The following FYB1 variants were observed in gnomAD, a reference collection of about 807,000 sequenced individuals.
The protein encoded by FYB1 is FYN-binding protein 1.
A neutral mutation model predicts 94.1 loss-of-function variants in FYB1; 41 were observed. That is an observed-to-expected ratio of 0.44 (90% CI 0.34 to 0.57). The LOEUF (loss-of-function observed/expected upper bound fraction) is 0.57, where lower values mean the gene tolerates loss of function less well. FYB1 is among the 20% of genes least tolerant of loss of function. The pLI is 0.02. For synonymous variants in FYB1, 367 were observed against 353.2 expected (o/e 1.04, Z -0.44); for missense variants, 1,050 against 976.8 (o/e 1.07, Z -1.00).
chr5:39,120,721 T>A lies in FYB1; in HGVS notation c.2139-1087A>T, dbSNP rs796789131. Among the ~76,000 whole-genome samples the A allele has an allele frequency of 7.2e-5, 11 of 152,272 alleles. No individual in the cohort carries two copies. In the East Asian group the frequency reaches 1.4e-3, roughly 19 times the overall value. On this transcript the variant is annotated intron_variant, in intron 14 of 18. Transcript: ENST00000512982. ...TAGAATATATTAATTTTTATTTAGA[T>A]GATCTAAGATAAAGTTTTGTTTGTA... is the stretch of plus-strand genomic sequence containing the variant.
intron 2 of FYB1, among the ~76,000 whole-genome samples, chr5:39,178,057 C>A (rs897663304): frequency 1.3e-5 from 2 of 152,212 alleles, no homozygotes; most frequent in African/African-American, 2.4e-5. Context: ...GCATTGACCT[C>A]ATGCAGCATT....
intron 1 of FYB1, among the ~76,000 whole-genome samples, chr5:39,240,593 G>C (rs1470257720): frequency 2.6e-5 from 4 of 152,158 alleles, no homozygotes. Context: ...CTAAGCATCA[G>C]AGAAATGAAA....
intron 1 of FYB1, among the ~76,000 whole-genome samples, chr5:39,239,859 C>T (rs1176980189): frequency 1.3e-5 from 2 of 152,166 alleles, no homozygotes; most frequent in Non-Finnish European, 2.9e-5. Context: ...CCAAAGCAAT[C>T]TTAAGCATAA....
chr5:39,159,591 C>T (rs1335397232), intron 2 of FYB1, among the ~76,000 whole-genome samples: 2 of 152,156 alleles, frequency 1.3e-5, no homozygotes, highest in African/African-American at 4.8e-5. Context: ...ATGACCTTAC[C>T]TCTTATTTTA....
chr5:39,213,436 T>C (rs995484427), intron 1 of FYB1, among the ~76,000 whole-genome samples: 1 of 152,220 alleles, frequency 6.6e-6, no homozygotes, highest in Non-Finnish European at 1.5e-5. Context: ...TGACCTCCTG[T>C]CCAAGAATCC....
At chr5:39,228,761 C>T (rs1217422843) in intron 1 of FYB1, among the ~76,000 whole-genome samples, 1 of 152,086 alleles carries the variant, frequency 6.6e-6, no homozygotes, top group African/African-American at 2.4e-5. Context: ...ATGAACTTCC[C>T]TTCCTTTTTA....
chr5:39,108,038 T>C (rs753471913), intron 18 of FYB1, among the ~76,000 whole-genome samples, 193 bp downstream of exon 18: 1 of 152,174 alleles, frequency 6.6e-6, no homozygotes, highest in East Asian at 1.9e-4. Flanking sequence ...AGGTTTTTCC[T>C]TAATTTTCCA....
chr5:39,207,807 A>G (rs893588446), intron 1 of FYB1, among the ~76,000 whole-genome samples: 3 of 152,004 alleles, frequency 2.0e-5, no homozygotes, highest in African/African-American at 7.3e-5. Context: ...CCCCCTGGGG[A>G]TGTTTATCAA....
intron 1 of FYB1, among the ~76,000 whole-genome samples, chr5:39,207,637 T>A (rs1370467001): frequency 6.6e-6 from 1 of 152,202 alleles, no homozygotes; most frequent in African/African-American, 2.4e-5. Flanking sequence ...CTACATAGTT[T>A]CATTTGGAAA....
intron 3 of FYB1, among the ~76,000 whole-genome samples, chr5:39,146,016 G>A (rs1207486307): frequency 6.6e-6 from 1 of 151,688 alleles, no homozygotes; most frequent in Non-Finnish European, 1.5e-5. Flanking sequence ...GGGTTCAAGG[G>A]ATTCTCCTGC....
chr5:39,268,796 C>T (rs533530872), intron 1 of FYB1, among the ~76,000 whole-genome samples: 1 of 152,208 alleles, frequency 6.6e-6, no homozygotes, highest in East Asian at 1.9e-4. Context: ...AACTCCTAAC[C>T]TCAGGTGATC....
chr5:39,167,679 C>T (rs1744863294), intron 2 of FYB1, among the ~76,000 whole-genome samples: 1 of 149,918 alleles, frequency 6.7e-6, no homozygotes, highest in Non-Finnish European at 1.5e-5. Flanking sequence ...TGTGTAACTG[C>T]AGGGCAGTGG....
At chr5:39,182,943 C>T (rs1230828495) in intron 2 of FYB1, among the ~76,000 whole-genome samples, 1 of 152,192 alleles carries the variant, frequency 6.6e-6, no homozygotes, top group Non-Finnish European at 1.5e-5. Context: ...AAGCTACAGA[C>T]AGGTCTCATT....
intron 2 of FYB1, among the ~76,000 whole-genome samples, chr5:39,193,519 G>A (rs535018501): frequency 6.6e-6 from 1 of 152,334 alleles, no homozygotes; most frequent in African/African-American, 2.4e-5. Flanking sequence ...AGGTTCTGGT[G>A]CCACCGGAGG....
intron 1 of FYB1, among the ~76,000 whole-genome samples, chr5:39,272,670 C>CAAAAAAAAAAAAA (rs1195291951): frequency 1.4e-5 from 1 of 70,874 alleles, no homozygotes. Flanking sequence ...AGACTCATCT[C>CAAAAAAAAAAAAA]AAAAAAAAAA....
At chr5:39,182,286 CATGTGTGTGTGTGTGTGT>C (rs1746318009) in intron 2 of FYB1, among the ~76,000 whole-genome samples, 2 of 99,146 alleles carry the variant, frequency 2.0e-5, no homozygotes, top group South Asian at 6.9e-4. Context: ...TGTGTGCATG[CATGTGTGTGTGTGTGTGT>C]GTGTGTGTGT....
At position 39,231,159 on chromosome 5, in the gene FYB1, AAAC is replaced by A. The variant is rs1227411019; in HGVS notation, c.-27-28175_-27-28173del. 8.4e-3 allele frequency among the ~76,000 whole-genome samples: 994 copies of A among 118,846 alleles called. 31 individuals carry two copies. Among genetic ancestry groups the A allele is most frequent in the African/African-American group, 0.041 (950 of 23,338 alleles). The allele number at this position is 118,846 out of a possible 152,430, so 78.0% of individuals were successfully genotyped here. A position where few individuals can be genotyped will look rare whatever the true frequency, so the allele number is the denominator to read the frequency against. ...ACTCAGCTCAGAGCAAAAAAAAAAA[AAAC>A]AAAAAAAAACAAAAAAAACAAAACA... is the stretch of plus-strand genomic sequence containing the variant. On this transcript the variant is annotated intron_variant, in intron 1 of 1. Coordinates refer to the FYB1 transcript ENST00000510188.
intron 1 of FYB1, among the ~76,000 whole-genome samples, chr5:39,267,113 G>C (rs1752466836): frequency 1.3e-5 from 2 of 152,158 alleles, no homozygotes; most frequent in Admixed American, 1.3e-4. Context: ...GGGGGAATAG[G>C]AATAACTATT....
chr5:39,147,708 T>C (rs1344487133), intron 3 of FYB1, among the ~76,000 whole-genome samples: 1 of 148,606 alleles, frequency 6.7e-6, no homozygotes, highest in East Asian at 2.0e-4. Context: ...TTTTTTTTTT[T>C]TTTTTTTCTT....
Sources: allele counts gnomAD v4.1 joint callset (sites outside exome capture counted in the v4.1 genomes callset), GRCh38; gene constraint gnomAD v4.1.1; transcripts MANE v1.5; gene names NCBI Gene and HGNC (gene_info 2026-07-23, HGNC 2026-07-21).